Variants in ACTR3C observed in about 807,000 individuals in gnomAD.
ACTR3C encodes the protein actin related protein 3C, also known as actin-related protein 3C.
In ACTR3C, 18 loss-of-function variants were observed where a neutral mutation model predicts 26.3. That is an observed-to-expected ratio of 0.68 (90% confidence interval 0.47 to 1.01). The LOEUF (loss-of-function observed/expected upper bound fraction) is 1.01, where lower values mean the gene tolerates loss of function less well. Among genes scored for constraint, ACTR3C ranks in the 50% least tolerant of loss-of-function variants. The pLI, the probability that ACTR3C is intolerant of heterozygous loss-of-function variation, is 0.00. For missense variants in ACTR3C, 184 were observed against 250.7 expected (o/e 0.73, Z 1.80); for synonymous variants, 55 against 94.5 (o/e 0.58, Z 2.42).
At chr7:150,174,091 C>G in the ACTR3C span, among the ~76,000 whole-genome samples, 2 of 139,594 alleles carry the variant, frequency 1.4e-5, 1 homozygote, top group East Asian at 4.0e-4. Context: ...TTAACCAGTT[C>G]CAATGTCACT....
chr7:149,903,893 T>G, the ACTR3C span, among the ~76,000 whole-genome samples: 3 of 33,674 alleles, frequency 8.9e-5, 1 homozygote, highest in Non-Finnish European at 2.7e-4. Flanking sequence ...TGTTGTTGTT[T>G]GTTGTTGCTG....
chr7:150,143,771 G>C, the ACTR3C span, among the ~76,000 whole-genome samples: 1 of 152,216 alleles, frequency 6.6e-6, no homozygotes, highest in Non-Finnish European at 1.5e-5. Context: ...GCAGCGGCCA[G>C]ACCCACCTGC....
At chr7:149,898,254 AC>A in the ACTR3C span, among the ~76,000 whole-genome samples, 1 of 152,230 alleles carries the variant, frequency 6.6e-6, no homozygotes, top group Non-Finnish European at 1.5e-5. Context: ...ATTCAATGGC[AC>A]ACTGACTGAC....
Position 150,310,062 on chromosome 7 carries a change from G to T in ACTR3C, c.-52+13407C>A, listed in dbSNP as rs115240436. Reference sequence around the variant, plus strand: ...ACTCTGGTGCCAACTTAGACAACATGCTTTTATGCACTTTTTTAGTTATCC... The same window carrying T: ...ACTCTGGTGCCAACTTAGACAACATTCTTTTATGCACTTTTTTAGTTATCC... On this transcript the variant is annotated intron_variant, in intron 1 of 7. Coordinates refer to ENST00000683684, the MANE Select transcript of ACTR3C (RefSeq NM_001164458.2). 6.7e-3 allele frequency among the ~76,000 whole-genome samples: 1,021 copies of T among 152,176 alleles called. 17 individuals carry two copies. Among genetic ancestry groups the T allele is most frequent in the African/African-American group, 0.023 (937 of 41,502 alleles).
At chr7:149,903,855 A>C in the ACTR3C span, among the ~76,000 whole-genome samples, 1 of 95,036 alleles carries the variant, frequency 1.1e-5, no homozygotes, top group African/African-American at 2.8e-5. Flanking sequence ...TCTGTGTACG[A>C]GTGTAAGGGC....
the ACTR3C span, among the ~76,000 whole-genome samples, chr7:150,111,060 C>T: frequency 4.4e-4 from 66 of 150,490 alleles, no homozygotes; most frequent in Admixed American, 4.2e-3. Flanking sequence ...TGGCAAACCT[C>T]GCACCAGTAC....
chr7:150,037,077 C>T, the ACTR3C span, among the ~76,000 whole-genome samples: 1 of 114,018 alleles, frequency 8.8e-6, no homozygotes, highest in East Asian at 2.4e-4. Context: ...GGGGTGCCTC[C>T]CCCTCGTGCG....
chr7:150,275,022 G>T (rs1834756989), intron 6 of ACTR3C, among the ~76,000 whole-genome samples: 2 of 152,150 alleles, frequency 1.3e-5, no homozygotes, highest in Admixed American at 6.5e-5. Context: ...GCTAAGGCAG[G>T]TCAGCATTTT....
At chr7:150,024,399 G>A in the ACTR3C span, among the ~76,000 whole-genome samples, 10 of 151,816 alleles carry the variant, frequency 6.6e-5, no homozygotes, top group East Asian at 1.8e-3. Context: ...GCGTGAGCGT[G>A]TGGGTCCCCC....
chr7:150,034,384 G>A, the ACTR3C span, among the ~76,000 whole-genome samples: 1 of 151,602 alleles, frequency 6.6e-6, no homozygotes, highest in Admixed American at 6.6e-5. Flanking sequence ...GTCAGATCGG[G>A]TAGCCCCAGG....
chr7:149,921,463 A>C, the ACTR3C span, among the ~76,000 whole-genome samples: 138 of 152,342 alleles, frequency 9.1e-4, no homozygotes, highest in African/African-American at 3.1e-3. Flanking sequence ...TTCCTTATGG[A>C]TGTCAGCTGA....
At chr7:149,887,817 C>T in the ACTR3C span, among the ~76,000 whole-genome samples, 3 of 152,160 alleles carry the variant, frequency 2.0e-5, no homozygotes, top group Admixed American at 6.5e-5. Flanking sequence ...GGGGGCTGGT[C>T]TTTCCCATGC....
the ACTR3C span, among the ~76,000 whole-genome samples, chr7:149,944,356 C>A: frequency 6.6e-6 from 1 of 151,890 alleles, no homozygotes; most frequent in African/African-American, 2.4e-5. Context: ...AAATATCAGC[C>A]AATGACATAA....
In ACTR3C at chr7:150,293,492, C is replaced by T. The variant is rs1836459589; in HGVS notation, c.46-73G>A. 3 of 1,441,586 alleles carry T rather than the reference C, an allele frequency of 2.1e-6. No homozygotes were observed. In the South Asian group the frequency reaches 4.1e-5, roughly 20 times the overall value. The allele number at this position is 1,441,586 out of a possible 1,614,324, so 89.3% of individuals were successfully genotyped here. A position where few individuals can be genotyped will look rare whatever the true frequency, so the allele number is the denominator to read the frequency against. On this transcript the variant is annotated intron_variant, in intron 2 of 7. Coordinates refer to ENST00000683684, the MANE Select transcript of ACTR3C (RefSeq NM_001164458.2). The stretch of plus-strand genomic sequence containing the variant: ...AGCCACCTGCCTGCTCCTTCCAGGT[C>T]CAATCAACAAACTCTCTTACTTAAT...
the ACTR3C span, among the ~76,000 whole-genome samples, chr7:150,195,453 T>C: frequency 6.6e-6 from 1 of 152,216 alleles, no homozygotes; most frequent in African/African-American, 2.4e-5. Context: ...TCTTGCTATG[T>C]AGGTCTATTG....
chr7:149,913,084 C>G, the ACTR3C span, among the ~76,000 whole-genome samples: 1 of 152,102 alleles, frequency 6.6e-6, no homozygotes, highest in Admixed American at 6.5e-5. Flanking sequence ...TCATCCATCA[C>G]TAACTTCAAT....
the ACTR3C span, among the ~76,000 whole-genome samples, chr7:150,182,249 T>A: frequency 6.6e-6 from 1 of 150,710 alleles, no homozygotes; most frequent in African/African-American, 2.5e-5. Context: ...ATTTGTTAGC[T>A]GGATTTATGG....
At chr7:150,032,114 G>C in the ACTR3C span, among the ~76,000 whole-genome samples, 1 of 152,178 alleles carries the variant, frequency 6.6e-6, no homozygotes, top group African/African-American at 2.4e-5. Context: ...TGCAGCTGCT[G>C]CTCATCACAA....
chr7:149,974,800 T>G, the ACTR3C span, among the ~76,000 whole-genome samples: 1 of 139,156 alleles, frequency 7.2e-6, no homozygotes, highest in Non-Finnish European at 1.6e-5. Context: ...ATAAGATATT[T>G]TAGTTGAAGA....
Sources: allele counts gnomAD v4.1 joint callset (sites outside exome capture counted in the v4.1 genomes callset), GRCh38; gene constraint gnomAD v4.1.1; transcripts MANE v1.5; gene names NCBI Gene and HGNC (gene_info 2026-07-23, HGNC 2026-07-21).